Variants in DIAPH3 observed in about 807,000 individuals in gnomAD.
The protein encoded by DIAPH3 is diaphanous related formin 3.
A neutral mutation model predicts 144.3 loss-of-function variants in DIAPH3; 117 were observed. The ratio of observed to expected loss-of-function variants is 0.81; its 90% CI spans 0.70 to 0.95. The LOEUF (loss-of-function observed/expected upper bound fraction) is 0.95. Ranked by LOEUF, DIAPH3 falls within the 40% of genes least tolerant of loss-of-function variation. The pLI is 0.00. For missense variants in DIAPH3, 1,421 were observed against 1,412.7 expected, an observed-to-expected ratio of 1.01 and a Z score of -0.09; for synonymous variants, 519 against 488.9, an observed-to-expected ratio of 1.06 and a Z score of -0.81.
chr13:59,702,256 G>C (rs2055200), intron 27 of DIAPH3, among the ~76,000 whole-genome samples: 3 of 152,092 alleles, frequency 2.0e-5, no homozygotes, highest in Non-Finnish European at 4.4e-5. Flanking sequence ...TTTCTAACTA[G>C]ATGCCTTCTC....
At chr13:59,714,421 G>C (rs1011874211) in intron 27 of DIAPH3, among the ~76,000 whole-genome samples, 62 of 150,938 alleles carry the variant, frequency 4.1e-4, no homozygotes, top group Non-Finnish European at 8.1e-4. Flanking sequence ...TGTAGTCCCA[G>C]CTACTTGGGA....
chr13:59,754,599 T>A (rs555924564), intron 27 of DIAPH3, among the ~76,000 whole-genome samples: 1 of 152,096 alleles, frequency 6.6e-6, no homozygotes, highest in African/African-American at 2.4e-5. Context: ...ATTACAAATA[T>A]AGCAAATTGA....
chr13:60,003,504 T>A (rs1446026324), intron 9 of DIAPH3, among the ~76,000 whole-genome samples: 2 of 151,090 alleles, frequency 1.3e-5, no homozygotes, highest in African/African-American at 2.4e-5. Flanking sequence ...ATAATATATA[T>A]GTATGTGTGT....
intron 27 of DIAPH3, among the ~76,000 whole-genome samples, chr13:59,720,904 A>G (rs779674810): frequency 7.9e-5 from 12 of 152,136 alleles, no homozygotes; most frequent in Non-Finnish European, 1.6e-4. Context: ...TCCCCAAGTG[A>G]AAGTTTAAAA....
At chr13:60,106,173 G>C (rs2058415363) in intron 3 of DIAPH3, among the ~76,000 whole-genome samples, 1 of 152,026 alleles carries the variant, frequency 6.6e-6, no homozygotes, top group Admixed American at 6.6e-5. Flanking sequence ...ACAGCTCTTA[G>C]ATATTAAGGT....
intron 4 of DIAPH3, among the ~76,000 whole-genome samples, chr13:60,062,169 A>G (rs1381809994): frequency 6.6e-6 from 1 of 152,206 alleles, no homozygotes; most frequent in East Asian, 1.9e-4. Context: ...TGTTGGGTTT[A>G]TCTTTACCTG....
intron 24 of DIAPH3, among the ~76,000 whole-genome samples, chr13:59,823,308 A>C (rs908238729): frequency 6.6e-6 from 1 of 152,222 alleles, no homozygotes; most frequent in Non-Finnish European, 1.5e-5. Flanking sequence ...TTATTTTTCA[A>C]AGTTGCAAAC....
intron 17 of DIAPH3, among the ~76,000 whole-genome samples, chr13:59,950,975 T>C (rs2049066578): frequency 6.6e-6 from 1 of 152,124 alleles, no homozygotes; most frequent in African/African-American, 2.4e-5. Flanking sequence ...TCATCAATTT[T>C]CTAAATTTTC....
intron 5 of DIAPH3, among the ~76,000 whole-genome samples, chr13:60,028,964 C>T (rs943817334): frequency 5.9e-5 from 9 of 151,430 alleles, no homozygotes; most frequent in Non-Finnish European, 1.3e-4. Flanking sequence ...GAGCCTGAGG[C>T]AGAAGAATCA....
intron 27 of DIAPH3, among the ~76,000 whole-genome samples, chr13:59,707,502 G>A (rs1472029841): frequency 1.3e-5 from 2 of 152,084 alleles, no homozygotes; most frequent in Non-Finnish European, 2.9e-5. Context: ...CATATTAAAG[G>A]GAATTGGAAT....
In DIAPH3 at chr13:59,810,895, CTT is replaced by C. The variant is rs753024929; in HGVS notation, c.3054_3055del (p.Glu1020SerfsTer12). 6.3e-7 allele frequency: 1 copy of C among 1,596,798 alleles called. No homozygotes were observed. On this transcript the variant is annotated frameshift_variant, in exon 25 of 28. Coordinates refer to ENST00000400324, the MANE Select transcript of DIAPH3 (RefSeq NM_001042517.2). LOFTEE classifies it high-confidence loss of function. Reference sequence around the variant, plus strand: ...ACGTTTTTCTTTTTCCTCTGCTTCTCTTTTTTTGATATTCTCCTTTATTGCTT... The same window carrying C: ...ACGTTTTTCTTTTTCCTCTGCTTCTCTTTTTGATATTCTCCTTTATTGCTT...
intron 27 of DIAPH3, among the ~76,000 whole-genome samples, chr13:59,733,684 C>T (rs1222084188): frequency 1.3e-5 from 2 of 152,176 alleles, no homozygotes; most frequent in African/African-American, 4.8e-5. Context: ...CAAATAGTCA[C>T]CCCCAATCTC....
At chr13:59,997,011 T>G (rs977985458) in intron 9 of DIAPH3, among the ~76,000 whole-genome samples, 4 of 152,096 alleles carry the variant, frequency 2.6e-5, no homozygotes, top group African/African-American at 9.7e-5. Flanking sequence ...TGTACAAATT[T>G]ATTGTACATG....
At position 59,880,649 on chromosome 13, in the gene DIAPH3, T is replaced by C. The variant is rs187344357; in HGVS notation, c.2368-1181A>G. On this transcript the variant is annotated intron_variant, in intron 20 of 27. Coordinates refer to ENST00000400324, the MANE Select transcript of DIAPH3 (RefSeq NM_001042517.2). ...CAATATATTATAGACACTGCCTTAA[T>C]GACTAAACATAACTCAGCTTACTCA... Among the ~76,000 whole-genome samples the C allele has an allele frequency of 9.2e-5, 14 of 152,222 alleles. No individual in the cohort carries two copies. In the East Asian group the frequency reaches 2.5e-3, roughly 27 times the overall value.
chr13:60,106,781 C>G (rs2058432159), intron 3 of DIAPH3, among the ~76,000 whole-genome samples: 1 of 152,044 alleles, frequency 6.6e-6, no homozygotes, highest in African/African-American at 2.4e-5. Flanking sequence ...GATGTTCGGA[C>G]ACATTTATAA....
intron 24 of DIAPH3, among the ~76,000 whole-genome samples, chr13:59,824,675 A>G (rs1037121014): frequency 2.0e-5 from 3 of 152,168 alleles, no homozygotes; most frequent in Admixed American, 6.6e-5. Flanking sequence ...GAAAATAATA[A>G]CTACAAAGTT....
intron 17 of DIAPH3, among the ~76,000 whole-genome samples, chr13:59,934,327 T>A (rs934881714): frequency 6.6e-6 from 1 of 152,202 alleles, no homozygotes; most frequent in Non-Finnish European, 1.5e-5. Flanking sequence ...TGTTAATGTT[T>A]ATAATAAATT....
intron 27 of DIAPH3, among the ~76,000 whole-genome samples, chr13:59,756,409 A>AAAGG (rs762777029): frequency 0.085 from 11,676 of 137,554 alleles, 670 homozygotes; most frequent in East Asian, 0.22. Context: ...AATTTAGTAA[A>AAAGG]AAGGAAGGAA....
intron 20 of DIAPH3, among the ~76,000 whole-genome samples, chr13:59,892,755 T>C (rs340223): frequency 2.0e-5 from 3 of 151,660 alleles, no homozygotes; most frequent in African/African-American, 2.4e-5. Context: ...AGAAAATAAA[T>C]AGTAAGATGC....
Sources: gnomAD v4.1 joint callset for allele counts (sites outside exome capture counted in the v4.1 genomes callset) on GRCh38, gnomAD v4.1.1 for gene constraint, MANE v1.5 for transcripts, NCBI Gene and HGNC (gene_info 2026-07-23, HGNC 2026-07-21) for gene names.